Variants in VPS13D observed in about 807,000 individuals in gnomAD.
VPS13D encodes the protein vacuolar protein sorting 13 homolog D, also known as intermembrane lipid transfer protein VPS13D.
VPS13D carries 187 observed loss-of-function variants against 461.9 expected under a neutral mutation model. The observed-to-expected ratio is 0.40, with a 90% CI of 0.36 to 0.46. The LOEUF is 0.46. Ranked by LOEUF, VPS13D falls within the 20% of genes least tolerant of loss-of-function variation. The pLI is 0.60. For synonymous variants in VPS13D, 1,951 were observed against 1,986.3 expected, an observed-to-expected ratio of 0.98 and a Z score of 0.47; for missense variants, 4,711 against 5,364.9, an observed-to-expected ratio of 0.88 and a Z score of 3.81.
rs753423584 is a variant in VPS13D, at chr1:12,327,673, GTTGT to G, written c.8019_8022del (p.Phe2674ArgfsTer6). On this transcript the variant is annotated frameshift_variant, in exon 36 of 70. Coordinates refer to ENST00000620676, the MANE Select transcript of VPS13D (RefSeq NM_015378.4). LOFTEE classifies it high-confidence loss of function. Reference sequence around the variant, plus strand: ...GCCAATTGAAAAAGGCAGCAAGTTGGTTGTTTAAGAATGCGGAACCTCTGAAGTC... The same window carrying G: ...GCCAATTGAAAAAGGCAGCAAGTTGGTTAAGAATGCGGAACCTCTGAAGTC... The G allele has an allele frequency of 1.9e-6, 3 of 1,613,984 alleles. No individual in the cohort carries two copies. Among genetic ancestry groups the G allele is most frequent in the African/African-American group, 1.3e-5 (1 of 74,916 alleles).
chr1:12,385,646 A>T (rs1307495264), intron 59 of VPS13D, among the ~76,000 whole-genome samples: 1 of 152,190 alleles, frequency 6.6e-6, no homozygotes. Context: ...TTTAAGACAA[A>T]CAATTTTTTG....
intron 67 of VPS13D, among the ~76,000 whole-genome samples, chr1:12,468,931 G>A (rs900022787): frequency 6.6e-5 from 10 of 151,982 alleles, no homozygotes; most frequent in African/African-American, 2.4e-4. Context: ...CTACTCCAGA[G>A]GTTGAGGCAA....
chr1:12,495,405 G>A lies in VPS13D; in HGVS notation c.12663-2095G>A, dbSNP rs1423057903. ...GATCTCCTGACCCTGTGATCCATCC[G>A]CCTCGGCCTCCCAAAGTGCTGGGAT... On this transcript the variant is annotated intron_variant, in intron 67 of 69. Coordinates refer to ENST00000620676, the MANE Select transcript of VPS13D (RefSeq NM_015378.4). This position sits in a 1 kb window ranked among gnomAD's most constrained non-coding sequence, Gnocchi z 4.0. Among the ~76,000 whole-genome samples the A allele has an allele frequency of 2.6e-5, 4 of 152,086 alleles. No individual in the cohort carries two copies. The highest frequency in any genetic ancestry group is 1.3e-4 in the Admixed American group (2 of 15,260).
At chr1:12,322,348 T>C (rs1034203971) in intron 33 of VPS13D, among the ~76,000 whole-genome samples, 188 bp from the exon 34 acceptor site, 5 of 152,172 alleles carry the variant, frequency 3.3e-5, no homozygotes, top group African/African-American at 9.7e-5. Flanking sequence ...TTTGACCTCA[T>C]AGTTGAGACA....
Position 12,319,560 on chromosome 1 carries a change from G to C in VPS13D, c.7478G>C (p.Gly2493Ala). ...GACACCAATGCCATTATTCTGAAAGGCACCACAGTGCTCACCTATAAGCCC... is the reference window on the plus strand; with the variant it reads ...GACACCAATGCCATTATTCTGAAAGCCACCACAGTGCTCACCTATAAGCCC... ...CFDTNAIILK[G>A]TTVLTYKPRF... The change falls in exon 32 of 70, where the codon GGC becomes GCC. Residue 2493 changes from glycine to alanine, a missense_variant. Gly to Ala is a moderately conservative substitution (Grantham distance 60). This residue lies in a region of VPS13D where 4,411 missense variants were observed against 4,937.8 expected (regional missense o/e 0.89). Coordinates refer to ENST00000620676, the MANE Select transcript of VPS13D (RefSeq NM_015378.4). The C allele has an allele frequency of 1.2e-6, 2 of 1,614,126 alleles. No homozygotes were observed. Among genetic ancestry groups the C allele is most frequent in the South Asian group, 1.1e-5 (1 of 91,080 alleles).
At chr1:12,360,929 C>T (rs377260838) in intron 50 of VPS13D, among the ~76,000 whole-genome samples, 2 of 152,160 alleles carry the variant, frequency 1.3e-5, no homozygotes, top group South Asian at 4.1e-4. Flanking sequence ...TCTCTTGATA[C>T]TTGATGACTG....
intron 39 of VPS13D, 78 bp downstream of exon 39, chr1:12,335,905 G>T: frequency 6.3e-7 from 1 of 1,593,706 alleles, no homozygotes; most frequent in Non-Finnish European, 8.6e-7. Flanking sequence ...AATTCAAATG[G>T]AACCATCATT....
At chr1:12,268,966 G>C (rs1641354997) in intron 16 of VPS13D, 90 bp downstream of exon 16, 1 of 1,443,048 alleles carries the variant, frequency 6.9e-7, no homozygotes, top group Admixed American at 2.3e-5. Flanking sequence ...TTATTCAGAT[G>C]CTCTGATAGT....
intron 68 of VPS13D, among the ~76,000 whole-genome samples, chr1:12,498,643 A>G (rs1645992996): frequency 6.6e-6 from 1 of 152,186 alleles, no homozygotes; most frequent in Non-Finnish European, 1.5e-5. Flanking sequence ...TGCCATTATA[A>G]AATATGATAG....
intron 67 of VPS13D, among the ~76,000 whole-genome samples, chr1:12,488,149 C>G (rs768212438): frequency 8.5e-5 from 13 of 152,230 alleles, no homozygotes; most frequent in Non-Finnish European, 7.3e-5. Flanking sequence ...CCCCAGGGTG[C>G]TCCGTCCAGA....
intron 13 of VPS13D, among the ~76,000 whole-genome samples, chr1:12,266,111 G>A (rs1641259238): frequency 6.6e-6 from 1 of 152,200 alleles, no homozygotes; most frequent in African/African-American, 2.4e-5. Context: ...GTTACAGTGA[G>A]CTATGATTGC....
At chr1:12,400,919 A>C (rs1644566762) in intron 61 of VPS13D, among the ~76,000 whole-genome samples, 1 of 149,486 alleles carries the variant, frequency 6.7e-6, no homozygotes, top group Non-Finnish European at 1.5e-5. Context: ...ACACCACTGC[A>C]CTCCAGCCTG....
At chr1:12,261,240 AGATATT>A (rs1641098832) in intron 12 of VPS13D, 91 bp downstream of exon 12, 8 of 1,443,428 alleles carry the variant, frequency 5.5e-6, no homozygotes, top group Non-Finnish European at 7.7e-6. Flanking sequence ...TAACAAAAGT[AGATATT>A]TGGAGAACAG....
intron 65 of VPS13D, among the ~76,000 whole-genome samples, chr1:12,439,719 G>T (rs1473890812): frequency 6.6e-6 from 1 of 152,154 alleles, no homozygotes; most frequent in African/African-American, 2.4e-5. Flanking sequence ...ATAGTGCTAA[G>T]TAAGTTTTTA....
intron 68 of VPS13D, chr1:12,499,950 A>G: frequency 1.0e-6 from 1 of 985,304 alleles, no homozygotes; most frequent in Non-Finnish European, 1.2e-6. Flanking sequence ...TTAAAGACCT[A>G]ATTATTTGCG....
rs1557679504 is a variant in VPS13D at position 12,275,816 on chromosome 1, T to A, written c.2237-9T>A. 5 of 1,551,460 alleles carry A rather than the reference T, an allele frequency of 3.2e-6. No homozygotes were observed. The highest frequency in any genetic ancestry group is 4.3e-5 in the Admixed American group (2 of 46,540). ...ACATATATTTGAATCTTCTTTTTTT[T>A]ATCTTCAGATAACTCCAGGAGGAAA... On this transcript the variant is annotated splice_polypyrimidine_tract_variant and intron_variant, in intron 18 of 69. Transcript: ENST00000620676.
At position 12,333,240 on chromosome 1, in the gene VPS13D, A is replaced by G. The variant is rs1305758257; in HGVS notation, c.8302A>G (p.Ile2768Val). 3 of 1,613,678 alleles carry G rather than the reference A, an allele frequency of 1.9e-6. No individual in the cohort carries two copies. The change falls in exon 38 of 70, where the codon ATT (isoleucine) becomes GTT (valine). Residue 2768 changes from isoleucine to valine, a missense_variant. Transcript: ENST00000620676. Reference sequence around the variant, plus strand: ...TGTTCTTTTAGGCTGGGAGCCATTTATTGAGCCTTGGCCATGCTCTGTATC... The same window carrying G: ...TGTTCTTTTAGGCTGGGAGCCATTTGTTGAGCCTTGGCCATGCTCTGTATC... Reference protein sequence around the residue: ...NRALSGWEPFIEPWPCSVSWQ... With the variant: ...NRALSGWEPFVEPWPCSVSWQ...
chr1:12,308,117 G>A (rs780915479), intron 26 of VPS13D, among the ~76,000 whole-genome samples: 19 of 152,108 alleles, frequency 1.2e-4, no homozygotes, highest in Non-Finnish European at 2.2e-4. Flanking sequence ...GTCAGATTTC[G>A]TCATCAATCC....
chr1:12,477,706 T>C (rs1032674346), intron 67 of VPS13D, among the ~76,000 whole-genome samples: 2 of 152,178 alleles, frequency 1.3e-5, no homozygotes, highest in South Asian at 4.1e-4. Flanking sequence ...CTAAATCCCC[T>C]ATAAACACTT....
Sources: gnomAD v4.1 joint callset for allele counts (sites outside exome capture counted in the v4.1 genomes callset) on GRCh38, gnomAD v4.1.1 for gene constraint, gnomAD v4.1.1 regional missense constraint, Gnocchi (gnomAD v3.1) non-coding constraint, MANE v1.5 for transcripts, NCBI Gene and HGNC (gene_info 2026-07-23, HGNC 2026-07-21) for gene names.